PPP2R1B: variants seen among roughly 807,000 people sequenced by gnomAD.
PPP2R1B encodes protein phosphatase 2 scaffold subunit Abeta, also known as serine/threonine-protein phosphatase 2A 65 kDa regulatory subunit A beta isoform.
PPP2R1B carries 58 observed loss-of-function variants against 72.7 expected under a neutral mutation model. The observed-to-expected ratio is 0.80, with a 90% CI of 0.65 to 0.99. The LOEUF (loss-of-function observed/expected upper bound fraction) is 0.99, where lower values mean the gene tolerates loss of function less well. PPP2R1B is among the 50% of genes least tolerant of loss of function. The probability of loss-of-function intolerance (pLI) is 0.00; values close to 1 mark genes in which losing one functional copy is unlikely to be tolerated. For synonymous variants in PPP2R1B, 256 were observed against 264.6 expected, an observed-to-expected ratio of 0.97 and a Z score of 0.32; for missense variants, 695 against 733.6, an observed-to-expected ratio of 0.95 and a Z score of 0.61.
In PPP2R1B at chr11:111,740,023, T is replaced by A. The variant is rs1944465501; in HGVS notation, c.*1573A>T. ...TTTATGTAACAAATATACAAAGTCTTAGAGGAGTCTTTGGGCCTTCACTAA... is the reference window on the plus strand; with the variant it reads ...TTTATGTAACAAATATACAAAGTCTAAGAGGAGTCTTTGGGCCTTCACTAA... On this transcript the variant is annotated 3_prime_UTR_variant, in exon 15 of 15. Transcript: ENST00000527614. 2 of 982,988 alleles carry A rather than the reference T, an allele frequency of 2.0e-6. No homozygotes were observed. Among genetic ancestry groups the A allele is most frequent in the African/African-American group, 3.5e-5 (2 of 57,180 alleles). 60.9% of individuals were successfully genotyped at this position (982,988 alleles called of 1,614,324 possible).
In PPP2R1B at chr11:111,738,887, TGTGTGTG is replaced by T; in HGVS notation, c.*2702_*2708del. 1.2e-6 allele frequency: 1 copy of T among 808,504 alleles called. No homozygotes were observed. The highest frequency in any genetic ancestry group is 3.2e-5 in the African/African-American group (1 of 31,334). 50.1% of individuals were successfully genotyped at this position (808,504 alleles called of 1,614,324 possible). A position where few individuals can be genotyped will look rare whatever the true frequency, so the allele number is the denominator to read the frequency against. On this transcript the variant is annotated 3_prime_UTR_variant, in exon 15 of 15. Transcript: ENST00000527614. ...TATTGGCATAGGTTATATGTTTGTGTGTGTGTGTGTGTGTGTGTGTGTGTGTGTGTGT... is the reference window on the plus strand; with the variant it reads ...TATTGGCATAGGTTATATGTTTGTGTTGTGTGTGTGTGTGTGTGTGTGTGT...
In PPP2R1B at chr11:111,739,877, A is replaced by G. The variant is rs1944461472; in HGVS notation, c.*1719T>C. ...AATACTTAATTCTTGGCCCAAAGTC[A>G]TAAAATAGAAACTTACTATAAGGTA... On this transcript the variant is annotated 3_prime_UTR_variant, in exon 15 of 15. Coordinates refer to ENST00000527614, the MANE Select transcript of PPP2R1B (RefSeq NM_002716.5). 1.0e-6 allele frequency: 1 copy of G among 980,542 alleles called. No individual in the cohort carries two copies. Among genetic ancestry groups the G allele is most frequent in the Non-Finnish European group, 1.2e-6 (1 of 825,488 alleles). 60.7% of individuals were successfully genotyped at this position (980,542 alleles called of 1,614,324 possible).
the PPP2R1B span, among the ~76,000 whole-genome samples, chr11:111,699,654 G>C: frequency 6.6e-6 from 1 of 152,134 alleles, no homozygotes; most frequent in African/African-American, 2.4e-5. Flanking sequence ...ACTACTGCTT[G>C]CCTCTAGTTT....
chr11:111,753,607 A>G, intron 8 of PPP2R1B, 30 bp from the exon 9 acceptor site: 3 of 1,580,988 alleles, frequency 1.9e-6, no homozygotes, highest in Non-Finnish European at 2.6e-6. Context: ...AAAAGCCTTT[A>G]TTACAAGACA....
chr11:111,766,137 G>T, intron 1 of PPP2R1B, 111 bp downstream of exon 1: 2 of 990,022 alleles, frequency 2.0e-6, no homozygotes, highest in South Asian at 1.4e-5. Context: ...TTTCTGCTAC[G>T]AGTCCGACTC....
Position 111,741,043 on chromosome 11 carries a change from C to T in PPP2R1B, c.*553G>A. On this transcript the variant is annotated 3_prime_UTR_variant, in exon 15 of 15. Coordinates refer to ENST00000527614, the MANE Select transcript of PPP2R1B (RefSeq NM_002716.5). ...AAACAACCACTACATTAACCCTGAG[C>T]TTCCACATTCCCCTTTCACATGAGA... is the stretch of plus-strand genomic sequence containing the variant. 1 of 986,212 alleles carries T rather than the reference C, an allele frequency of 1.0e-6. No homozygotes were observed. Among genetic ancestry groups the T allele is most frequent in the Non-Finnish European group, 1.2e-6 (1 of 830,330 alleles). The allele number at this position is 986,212 out of a possible 1,614,324, so 61.1% of individuals were successfully genotyped here. A position where few individuals can be genotyped will look rare whatever the true frequency, so the allele number is the denominator to read the frequency against.
At chr11:111,690,851 G>A in the PPP2R1B span, among the ~76,000 whole-genome samples, 1 of 152,162 alleles carries the variant, frequency 6.6e-6, no homozygotes, top group Non-Finnish European at 1.5e-5. Flanking sequence ...GCTGTATCCA[G>A]TCTATCATTG....
the PPP2R1B span, among the ~76,000 whole-genome samples, chr11:111,706,875 G>A: frequency 2.7e-5 from 4 of 150,024 alleles, no homozygotes; most frequent in East Asian, 7.9e-4. Flanking sequence ...CAGGAGAATC[G>A]CTTGAACCTG....
the PPP2R1B span, among the ~76,000 whole-genome samples, chr11:111,716,945 A>G: frequency 1.3e-5 from 2 of 152,176 alleles, no homozygotes; most frequent in African/African-American, 4.8e-5. Context: ...AAAAATCCCC[A>G]TTAAAAAGTG....
At chr11:111,698,344 C>G in the PPP2R1B span, among the ~76,000 whole-genome samples, 7 of 152,312 alleles carry the variant, frequency 4.6e-5, no homozygotes, top group Admixed American at 3.9e-4. Flanking sequence ...GAGGCCAGGC[C>G]ACCTTCTTGA....
the PPP2R1B span, among the ~76,000 whole-genome samples, chr11:111,694,035 A>G: frequency 3.9e-5 from 6 of 152,194 alleles, no homozygotes; most frequent in Non-Finnish European, 7.3e-5. Context: ...ACTTGAGTTG[A>G]TATTTGTAGG....
rs914607040 is a variant in PPP2R1B, at chr11:111,739,122, G to C, written c.*2474C>G. ...CAGTGGGAGAATAAGACACAGTCTG[G>C]TTCTTTTGATTATTTGTTCCATGCA... On this transcript the variant is annotated 3_prime_UTR_variant, in exon 15 of 15. Coordinates refer to ENST00000527614, the MANE Select transcript of PPP2R1B (RefSeq NM_002716.5). 3.0e-6 allele frequency: 3 copies of C among 985,304 alleles called. No individual in the cohort carries two copies. Among genetic ancestry groups the C allele is most frequent in the Non-Finnish European group, 3.6e-6 (3 of 829,898 alleles). 61.0% of individuals were successfully genotyped at this position (985,304 alleles called of 1,614,324 possible). A position where few individuals can be genotyped will look rare whatever the true frequency, so the allele number is the denominator to read the frequency against.
chr11:111,742,196 T>A, intron 13 of PPP2R1B, 52 bp from the exon 14 acceptor site: 1 of 1,395,192 alleles, frequency 7.2e-7, no homozygotes, highest in Non-Finnish European at 1.0e-6. Flanking sequence ...GCCATAGAAA[T>A]CCTTTTTGGT....
chr11:111,710,548 A>G, the PPP2R1B span, among the ~76,000 whole-genome samples: 3 of 152,240 alleles, frequency 2.0e-5, no homozygotes, highest in African/African-American at 7.2e-5. Context: ...CTAACTAGGA[A>G]CCGTTAGTAT....
At chr11:111,692,944 A>G in the PPP2R1B span, among the ~76,000 whole-genome samples, 1 of 152,310 alleles carries the variant, frequency 6.6e-6, no homozygotes, top group Non-Finnish European at 1.5e-5. Flanking sequence ...TTTATAAAAC[A>G]AAATGGAATA....
intron 4 of PPP2R1B, among the ~76,000 whole-genome samples, chr11:111,760,400 C>A (rs782748146): frequency 6.6e-6 from 1 of 152,034 alleles, no homozygotes; most frequent in Non-Finnish European, 1.5e-5. Flanking sequence ...TCAAGCTGGT[C>A]TTGAACTCCT....
rs555202142 is a variant in PPP2R1B, at chr11:111,759,954, G to T, written c.540-3C>A. On this transcript the variant is annotated splice_polypyrimidine_tract_variant and splice_region_variant and intron_variant, in intron 4 of 14. Transcript: ENST00000527614. ...CTGAGCACAAGGAACGGAATTGCCT[G>T]CAACATAAAACAATGAAGGTATTTC... 7 of 1,612,976 alleles carry T rather than the reference G, an allele frequency of 4.3e-6. No individual in the cohort carries two copies. Among genetic ancestry groups the T allele is most frequent in the Non-Finnish European group, 5.9e-6 (7 of 1,179,394 alleles).
chr11:111,750,578 C>T (rs971312511), intron 10 of PPP2R1B, among the ~76,000 whole-genome samples: 1 of 152,188 alleles, frequency 6.6e-6, no homozygotes, highest in African/African-American at 2.4e-5. Flanking sequence ...ACCCATCTCT[C>T]CAACTAGACT....
At chr11:111,735,499 C>T (rs147877966), downstream of PPP2R1B, among the ~76,000 whole-genome samples, 1,022 of 152,352 alleles carry the variant, frequency 6.7e-3, 15 homozygotes, top group African/African-American at 0.023. Flanking sequence ...GAGCCGCTGC[C>T]GGACCCGCGG....
Sources: allele counts gnomAD v4.1 joint callset (sites outside exome capture counted in the v4.1 genomes callset), GRCh38; gene constraint gnomAD v4.1.1; transcripts MANE v1.5; gene names NCBI Gene and HGNC (gene_info 2026-07-23, HGNC 2026-07-21).